CMIP: variants seen among roughly 807,000 people sequenced by gnomAD.
The protein encoded by CMIP is C-Maf-inducing protein.
A neutral mutation model predicts 97.3 loss-of-function variants in CMIP; 13 were observed. The ratio of observed to expected loss-of-function variants is 0.13; its 90% CI spans 0.09 to 0.21. CMIP has a LOEUF of 0.21. Among genes scored for constraint, CMIP ranks in the 10% least tolerant of loss-of-function variants. The pLI is 1.00. For synonymous variants in CMIP, 538 were observed against 436.3 expected (o/e 1.23, Z -2.91); for missense variants, 847 against 1,024.9 (o/e 0.83, Z 2.37).
At chr16:81,668,083 G>C (rs2092630015) in intron 7 of CMIP, among the ~76,000 whole-genome samples, 1 of 152,248 alleles carries the variant, frequency 6.6e-6, no homozygotes, top group Non-Finnish European at 1.5e-5. Context: ...GCCAGCTTCG[G>C]GGTCAGTTAG....
intron 10 of CMIP, among the ~76,000 whole-genome samples, chr16:81,682,530 G>A (rs1360390870): frequency 3.3e-5 from 5 of 151,416 alleles, no homozygotes; most frequent in Non-Finnish European, 7.4e-5. Flanking sequence ...ACGCCATTGC[G>A]TTCCATCCTG....
chr16:81,550,995 C>CAGTCCCGTCACACGCACCT, intron 1 of CMIP, among the ~76,000 whole-genome samples: 1 of 137,970 alleles, frequency 7.2e-6, no homozygotes, highest in East Asian at 2.3e-4. Context: ...CACACGCACC[C>CAGTCCCGTCACACGCACCT]CAGTCCCGTC....
At chr16:81,480,662 T>A (rs973777496) in intron 1 of CMIP, among the ~76,000 whole-genome samples, 1 of 152,240 alleles carries the variant, frequency 6.6e-6, no homozygotes, top group Non-Finnish European at 1.5e-5. Context: ...GTGTTTGCTA[T>A]GGGGTAAAAT....
In CMIP at chr16:81,711,610, TAAAAA is replaced by T. The variant is rs1908785632; in HGVS notation, c.*1813_*1817del. 2.1e-5 allele frequency: 1 copy of T among 47,610 alleles called. No individual in the cohort carries two copies. The highest frequency in any genetic ancestry group is 4.9e-5 in the Non-Finnish European group (1 of 20,246). 2.9% of individuals were successfully genotyped at this position (47,610 alleles called of 1,614,324 possible). On this transcript the variant is annotated 3_prime_UTR_variant, in exon 21 of 21. Coordinates refer to ENST00000537098, the MANE Select transcript of CMIP (RefSeq NM_198390.3). ...AAAAAATAAATAAAAATAAAAAAAA[TAAAAA>T]AGGAAAAAAAAAAAAGAAGAAACAA...
intron 3 of CMIP, among the ~76,000 whole-genome samples, chr16:81,625,432 C>G (rs1483937961): frequency 6.6e-6 from 1 of 152,282 alleles, no homozygotes; most frequent in African/African-American, 2.4e-5. Context: ...GGCTCATGCC[C>G]TGGCCCTCAG....
intron 10 of CMIP, among the ~76,000 whole-genome samples, chr16:81,679,393 G>C (rs773940094): frequency 1.1e-4 from 16 of 152,086 alleles, no homozygotes; most frequent in Non-Finnish European, 1.9e-4. Context: ...GAGCATGTGT[G>C]TTTCTCTGTA....
intron 1 of CMIP, among the ~76,000 whole-genome samples, chr16:81,584,191 G>T (rs2091343060): frequency 1.3e-5 from 2 of 152,150 alleles, no homozygotes; most frequent in Non-Finnish European, 2.9e-5. Context: ...AGCACCAGGT[G>T]GTGGGTTCAG....
At chr16:81,523,642 G>A (rs986319325) in intron 1 of CMIP, among the ~76,000 whole-genome samples, 14 of 152,174 alleles carry the variant, frequency 9.2e-5, no homozygotes, top group Non-Finnish European at 1.8e-4. Flanking sequence ...CCCTTCCCGC[G>A]AAAAGCCATG....
chr16:81,512,856 C>A (rs938970145), intron 1 of CMIP, among the ~76,000 whole-genome samples: 7 of 152,142 alleles, frequency 4.6e-5, no homozygotes, highest in Admixed American at 6.5e-5. Context: ...CCTGCCTCAG[C>A]CTCCCAAGTA....
At chr16:81,602,502 A>T (rs1035806518) in intron 1 of CMIP, among the ~76,000 whole-genome samples, 3 of 152,216 alleles carry the variant, frequency 2.0e-5, no homozygotes, top group Non-Finnish European at 4.4e-5. Flanking sequence ...GTGAGTTCTG[A>T]CAAATGTATA....
chr16:81,457,932 A>G lies in CMIP; in HGVS notation c.300+12391A>G, dbSNP rs949775024. On this transcript the variant is annotated intron_variant, in intron 1 of 20. Coordinates refer to ENST00000537098, the MANE Select transcript of CMIP (RefSeq NM_198390.3). ...GTTGGCAAGCTCCCCCCTACCTTTGATCCCTCCCGACTGACCTCCCCCTCG... is the reference window on the plus strand; with the variant it reads ...GTTGGCAAGCTCCCCCCTACCTTTGGTCCCTCCCGACTGACCTCCCCCTCG... 2.0e-5 allele frequency among the ~76,000 whole-genome samples: 3 copies of G among 152,214 alleles called. No individual in the cohort carries two copies. The East Asian group carries it at 5.8e-4, about 29-fold the overall frequency.
At chr16:81,535,952 C>T (rs567764172) in intron 1 of CMIP, among the ~76,000 whole-genome samples, 3 of 152,226 alleles carry the variant, frequency 2.0e-5, no homozygotes, top group African/African-American at 7.2e-5. Flanking sequence ...GGATCTCCTC[C>T]CAGAGAGAGT....
intron 1 of CMIP, among the ~76,000 whole-genome samples, chr16:81,491,559 A>G (rs992123861): frequency 1.3e-5 from 2 of 152,200 alleles, no homozygotes; most frequent in Non-Finnish European, 1.5e-5. Context: ...AGAAGACGAA[A>G]AAAACCTCTT....
At chr16:81,594,090 C>T (rs1415913527) in intron 1 of CMIP, among the ~76,000 whole-genome samples, 1 of 111,688 alleles carries the variant, frequency 9.0e-6, no homozygotes, top group African/African-American at 3.4e-5. Context: ...CGCTCCTCCT[C>T]CTCTTCCTCC....
intron 1 of CMIP, among the ~76,000 whole-genome samples, chr16:81,479,439 C>T (rs1031324907): frequency 2.0e-4 from 30 of 152,256 alleles, no homozygotes; most frequent in African/African-American, 6.7e-4. Context: ...CCATCACCCC[C>T]ATCCATCTCC....
chr16:81,498,723 C>T (rs2089540363), intron 1 of CMIP, among the ~76,000 whole-genome samples: 1 of 152,150 alleles, frequency 6.6e-6, no homozygotes, highest in South Asian at 2.1e-4. Flanking sequence ...GCATGCACTC[C>T]CCCAGGCGTC....
chr16:81,673,712 C>T (rs1329809292), intron 9 of CMIP, among the ~76,000 whole-genome samples: 1 of 152,102 alleles, frequency 6.6e-6, no homozygotes, highest in African/African-American at 2.4e-5. Context: ...GAGAACTGCT[C>T]CCGGGATGCA....
chr16:81,668,827 T>G lies in CMIP; in HGVS notation c.826-1315T>G, dbSNP rs186726674. Among the ~76,000 whole-genome samples, 152 of 147,450 alleles carry G rather than the reference T, an allele frequency of 1.0e-3. 2 individuals are homozygous for G. The highest frequency in any genetic ancestry group is 3.8e-3 in the African/African-American group (149 of 39,354). On this transcript the variant is annotated intron_variant, in intron 7 of 20. Transcript: ENST00000537098. The stretch of plus-strand genomic sequence containing the variant: ...CCATTCACACCCACCTCACACTCAC[T>G]GCCTTCCACACCCACCTCACACTCA...
intron 1 of CMIP, among the ~76,000 whole-genome samples, chr16:81,569,249 C>G (rs1362174582): frequency 6.6e-6 from 1 of 152,182 alleles, no homozygotes; most frequent in Non-Finnish European, 1.5e-5. Context: ...ATCATGCATT[C>G]TATACATACT....
Sources: allele counts gnomAD v4.1 joint callset (sites outside exome capture counted in the v4.1 genomes callset), GRCh38; gene constraint gnomAD v4.1.1; transcripts MANE v1.5; gene names NCBI Gene and HGNC (gene_info 2026-07-23, HGNC 2026-07-21).